Variants in AP3D1 observed in about 807,000 individuals in gnomAD.
AP3D1 encodes the protein AP-3 complex subunit delta-1.
AP3D1 carries 51 observed loss-of-function variants against 147.6 expected under a neutral mutation model. That is an observed-to-expected ratio of 0.35 (90% CI 0.28 to 0.44). The LOEUF is 0.44. Ranked by LOEUF, AP3D1 falls within the 20% of genes least tolerant of loss-of-function variation. AP3D1 has a pLI of 1.00. For synonymous variants in AP3D1, 760 were observed against 663.0 expected, an observed-to-expected ratio of 1.15 and a Z score of -2.25; for missense variants, 1,421 against 1,624.2, an observed-to-expected ratio of 0.87 and a Z score of 2.15.
intron 6 of AP3D1, 79 bp downstream of exon 6, chr19:2,130,329 A>G: frequency 6.3e-7 from 1 of 1,591,710 alleles, no homozygotes; most frequent in Non-Finnish European, 8.6e-7. Flanking sequence ...AGCACCCCCC[A>G]AAACACGCCA....
rs1251937977 is a variant in AP3D1, at chr19:2,101,421, C to G, written c.*752G>C. The stretch of plus-strand genomic sequence containing the variant: ...GGGTGCTGGGAAGGATGTGGGGAAA[C>G]CTTGGTGCGCATAGTGGCAAGCAGG... On this transcript the variant is annotated 3_prime_UTR_variant, in exon 32 of 32. Coordinates refer to ENST00000643116, the MANE Select transcript of AP3D1 (RefSeq NM_001261826.3). 1.3e-5 allele frequency: 2 copies of G among 151,356 alleles called. No individual in the cohort carries two copies. Among genetic ancestry groups the G allele is most frequent in the African/African-American group, 4.9e-5 (2 of 40,824 alleles). The allele number at this position is 151,356 out of a possible 1,614,324, so 9.4% of individuals were successfully genotyped here.
chr19:2,120,882 C>T lies in AP3D1; in HGVS notation c.1461G>A (p.Trp487Ter). 1 of 1,609,816 alleles carries T rather than the reference C, an allele frequency of 6.2e-7. No individual in the cohort carries two copies. The highest frequency in any genetic ancestry group is 8.5e-7 in the Non-Finnish European group (1 of 1,179,724). ...GICEVLYAAA[W>*]ICGEFSEHLQ... The stretch of plus-strand genomic sequence containing the variant: ...CTCACTCTGAGAACTCCCCGCAGAT[C>T]CAGGCGGCAGCGTACAGCACCTCAC... The change falls in exon 14 of 32, where the codon TGG (tryptophan) becomes TGA (stop). Residue 487 changes from tryptophan to a stop codon, truncating the protein, a stop_gained. Coordinates refer to ENST00000643116, the MANE Select transcript of AP3D1 (RefSeq NM_001261826.3). LOFTEE classifies it high-confidence loss of function.
rs2018374920 is a variant in AP3D1 at position 2,114,262 on chromosome 19, T to C, written c.2464A>G (p.Arg822Gly). ...GGGGATTTTGAGGTCTCGGTGTTTC[T>C]GTGTTTCTGAATAGGCAGTTTCTCG... ...DSEKLPIQKH[R>G]NTETSKSPEK... Residue 822 changes from arginine to glycine, a missense_variant, in exon 22 of 32, where the codon AGA (arginine) becomes GGA (glycine). Arg to Gly is a moderately radical substitution (Grantham distance 125). Coordinates refer to ENST00000643116, the MANE Select transcript of AP3D1 (RefSeq NM_001261826.3). The C allele has an allele frequency of 3.1e-6, 5 of 1,612,998 alleles. No individual in the cohort carries two copies. The highest frequency in any genetic ancestry group is 1.3e-5 in the African/African-American group (1 of 74,714).
In AP3D1 at chr19:2,115,255, G is replaced by A. The variant is rs751107465; in HGVS notation, c.2313C>T (p.Ala771=). 13 of 1,613,416 alleles carry A rather than the reference G, an allele frequency of 8.1e-6. No homozygotes were observed. Among genetic ancestry groups the A allele is most frequent in the Non-Finnish European group, 1.1e-5 (13 of 1,180,022 alleles). ...CCTCTGTGACGATGTCCACCTGCTG[G>A]GCAGGGGCGATGTCCTCGTCGCTCT... The part of the protein sequence containing the change: ...PTESDEDIAP[A]QQVDIVTEEM... Residue 771 remains alanine, a synonymous_variant, in exon 20 of 32, where the codon GCC becomes GCT. Coordinates refer to ENST00000643116, the MANE Select transcript of AP3D1 (RefSeq NM_001261826.3).
At chr19:2,118,541 G>A (rs1380456053) in intron 15 of AP3D1, 60 bp downstream of exon 15, 1 of 1,516,762 alleles carries the variant, frequency 6.6e-7, no homozygotes, top group Non-Finnish European at 9.0e-7. Context: ...GGCCGCCACT[G>A]GACAGAAAGG....
At chr19:2,156,892 C>G (rs905613975) in intron 1 of AP3D1, among the ~76,000 whole-genome samples, 4 of 150,856 alleles carry the variant, frequency 2.7e-5, no homozygotes, top group Admixed American at 2.6e-4. Context: ...AAACAAACAG[C>G]CACCCACCCA....
intron 10 of AP3D1, among the ~76,000 whole-genome samples, chr19:2,123,609 C>G (rs575899550): frequency 5.0e-4 from 76 of 152,300 alleles, no homozygotes; most frequent in East Asian, 2.3e-3. Context: ...CGCTCTCCCC[C>G]ACTCCTCAGT....
At position 2,130,411 on chromosome 19, in the gene AP3D1, G is replaced by A. The variant is rs759925313; in HGVS notation, c.589C>T (p.Pro197Ser). The A allele has an allele frequency of 6.8e-6, 11 of 1,613,940 alleles. No individual in the cohort carries two copies. The South Asian group carries it at 9.9e-5, about 14-fold the overall frequency. The change falls in exon 6 of 32, where the codon CCC (proline) becomes TCC (serine). Residue 197 changes from proline to serine, a missense_variant. By Grantham distance (74) the Pro-to-Ser change is moderately conservative (BLOSUM62 -1). Coordinates refer to ENST00000643116, the MANE Select transcript of AP3D1 (RefSeq NM_001261826.3). ...RLKEKLEDPD[P>S]GVQSAAVNVI... ...GGCTTAACTCAAATCCACAAACCGG[G>A]GTCGGGGTCCTCCAGCTTCTCCTTC...
intron 2 of AP3D1, 104 bp from the exon 3 acceptor site, chr19:2,137,911 G>T: frequency 3.0e-6 from 3 of 998,282 alleles, no homozygotes; most frequent in Non-Finnish European, 1.5e-6. Flanking sequence ...TGCTGGAACA[G>T]ACTCATTCAC....
Position 2,117,228 on chromosome 19 carries a change from G to T in AP3D1, c.1853C>A (p.Pro618His). 1 of 1,607,812 alleles carries T rather than the reference G, an allele frequency of 6.2e-7. No individual in the cohort carries two copies. The highest frequency in any genetic ancestry group is 8.5e-7 in the Non-Finnish European group (1 of 1,177,142). ...APKAQKKVPV[P>H]EGLDLDAWIN... ...CCCACCCCCGTATCCTTACCCTTCG[G>T]GGACTGGAACCTTCTTCTGGGCCTT... The change falls in exon 16 of 32, where the codon CCC (proline) becomes CAC (histidine). Residue 618 changes from proline (P) to histidine (H), a missense_variant. By Grantham distance (77) the Pro-to-His change is moderately conservative. Transcript: ENST00000643116.
chr19:2,151,116 G>T, intron 1 of AP3D1, 123 bp downstream of exon 1: 1 of 903,054 alleles, frequency 1.1e-6, no homozygotes, highest in Non-Finnish European at 1.6e-6. Flanking sequence ...GGAGCCCTAA[G>T]CGGGACCTCC....
At chr19:2,110,354 C>T (rs1277603172) in intron 27 of AP3D1, 130 bp from the exon 28 acceptor site, 2 of 775,900 alleles carry the variant, frequency 2.6e-6, no homozygotes, top group East Asian at 2.7e-5. Flanking sequence ...CCCAAGGGAG[C>T]ACCAGGGGAC....
chr19:2,127,904 T>G (rs180749438), intron 8 of AP3D1, among the ~76,000 whole-genome samples: 4 of 152,368 alleles, frequency 2.6e-5, no homozygotes, highest in Admixed American at 6.5e-5. Context: ...TACAGTCACC[T>G]GCAGCGTAGG....
intron 15 of AP3D1, among the ~76,000 whole-genome samples, chr19:2,117,809 T>C (rs1312875453): frequency 6.6e-6 from 1 of 152,224 alleles, no homozygotes; most frequent in East Asian, 1.9e-4. Context: ...CCACGCCCCA[T>C]GCAGCCTTGA....
At chr19:2,114,626 G>GCCCC in intron 21 of AP3D1, 122 bp downstream of exon 21, 4 of 451,566 alleles carry the variant, frequency 8.9e-6, no homozygotes, top group East Asian at 1.0e-4. Flanking sequence ...GGGAAGGCCC[G>GCCCC]CCCGCACCCC....
intron 24 of AP3D1, 134 bp from the exon 25 acceptor site, chr19:2,111,962 C>G: frequency 7.1e-7 from 1 of 1,413,118 alleles, no homozygotes; most frequent in Non-Finnish European, 9.7e-7. Flanking sequence ...CAGGACCAGC[C>G]ACGCCTCAGG....
chr19:2,109,022 G>A, intron 30 of AP3D1, 64 bp downstream of exon 30: 2 of 1,592,106 alleles, frequency 1.3e-6, no homozygotes, highest in Admixed American at 1.9e-5. Flanking sequence ...GGCTCCAATA[G>A]GAAGGGACAG....
chr19:2,130,308 C>A lies in AP3D1; in HGVS notation c.592+100G>T, dbSNP rs2018901649. 1.9e-6 allele frequency: 3 copies of A among 1,539,106 alleles called. No homozygotes were observed. The Admixed American group carries it at 5.6e-5, about 29-fold the overall frequency. The stretch of plus-strand genomic sequence containing the variant: ...GCATGTTCCTGGACTGAGCCCTTCA[C>A]CACTCCCCGCAGCACCCCCCAAAAC... On this transcript the variant is annotated intron_variant, in intron 6 of 31. Coordinates refer to ENST00000643116, the MANE Select transcript of AP3D1 (RefSeq NM_001261826.3).
At chr19:2,163,778 G>A (rs1178945912) in intron 1 of AP3D1, among the ~76,000 whole-genome samples, 1 of 151,362 alleles carries the variant, frequency 6.6e-6, no homozygotes, top group Non-Finnish European at 1.5e-5. Flanking sequence ...ACGTTCGTGC[G>A]TGCGTGGATT....
Sources: gnomAD v4.1 joint callset for allele counts (sites outside exome capture counted in the v4.1 genomes callset) on GRCh38, gnomAD v4.1.1 for gene constraint, MANE v1.5 for transcripts, NCBI Gene and HGNC (gene_info 2026-07-23, HGNC 2026-07-21) for gene names.